Variants in GPHN observed in about 807,000 individuals in gnomAD.
GPHN encodes gephyrin.
A neutral mutation model predicts 95.5 loss-of-function variants in GPHN; 17 were observed. The ratio of observed to expected loss-of-function variants is 0.18; its 90% CI spans 0.12 to 0.27. The LOEUF (loss-of-function observed/expected upper bound fraction) is 0.27. Ranked by LOEUF, GPHN falls within the 10% of genes least tolerant of loss-of-function variation. GPHN has a pLI of 1.00. For synonymous variants in GPHN, 320 were observed against 322.5 expected, an observed-to-expected ratio of 0.99 and a Z score of 0.08; for missense variants, 660 against 978.1, an observed-to-expected ratio of 0.67 and a Z score of 4.34.
chr14:67,632,633 G>A, the GPHN span, among the ~76,000 whole-genome samples: 4 of 152,036 alleles, frequency 2.6e-5, no homozygotes, highest in African/African-American at 4.8e-5. Flanking sequence ...TGCATCTCCA[G>A]GAGATGGCTT....
At chr14:67,727,473 TTTG>T in the GPHN span, 17 of 363,372 alleles carry the variant, frequency 4.7e-5, no homozygotes, top group Non-Finnish European at 7.3e-5. Context: ...ACAGAGGCTT[TTTG>T]TTTTTTTTGT....
intron 1 of GPHN, among the ~76,000 whole-genome samples, chr14:66,580,414 A>C (rs2061106747): frequency 6.6e-6 from 1 of 151,864 alleles, no homozygotes; most frequent in African/African-American, 2.4e-5. Flanking sequence ...AACAAAGCTA[A>C]GAGTTGTTTT....
the GPHN span, among the ~76,000 whole-genome samples, chr14:67,507,999 G>A: frequency 3.9e-5 from 6 of 152,168 alleles, no homozygotes; most frequent in South Asian, 8.3e-4. Flanking sequence ...TTAGCCGGAC[G>A]TGGGGGCGCA....
At chr14:66,519,484 TA>T (rs916524352) in intron 1 of GPHN, among the ~76,000 whole-genome samples, 1 of 152,086 alleles carries the variant, frequency 6.6e-6, no homozygotes, top group Admixed American at 6.5e-5. Flanking sequence ...TTCTAACACT[TA>T]AAAAAAGATA....
intron 16 of GPHN, among the ~76,000 whole-genome samples, chr14:67,118,097 T>C (rs2078795636): frequency 2.0e-5 from 3 of 152,168 alleles, no homozygotes; most frequent in African/African-American, 4.8e-5. Flanking sequence ...TCCTCTACCC[T>C]TGTGAGTTCT....
chr14:67,361,942 G>A, the GPHN span, among the ~76,000 whole-genome samples: 2 of 149,690 alleles, frequency 1.3e-5, no homozygotes, highest in African/African-American at 4.9e-5. Flanking sequence ...ATAGTACTTT[G>A]TATTGTAATT....
chr14:67,574,306 T>TCCGA, the GPHN span: 3 of 1,606,812 alleles, frequency 1.9e-6, no homozygotes, highest in Non-Finnish European at 2.5e-6. This position sits in a 1 kb window ranked among gnomAD's most constrained non-coding sequence, Gnocchi z 4.2. Flanking sequence ...GAGGAGTGGA[T>TCCGA]CCGAGTACTC....
intron 11 of GPHN, among the ~76,000 whole-genome samples, chr14:67,078,954 C>A (rs2076593228): frequency 6.6e-6 from 1 of 151,992 alleles, no homozygotes. Flanking sequence ...GACAAGTTGA[C>A]TTTATACCAA....
In GPHN at chr14:66,910,612, T is replaced by C. The variant is rs1039274884; in HGVS notation, c.390-5391T>C. Among the ~76,000 whole-genome samples, 6 of 152,102 alleles carry C rather than the reference T, an allele frequency of 3.9e-5. No homozygotes were observed. In the South Asian group the frequency reaches 1.2e-3, roughly 32 times the overall value. The stretch of plus-strand genomic sequence containing the variant: ...GCCACAGTAAGAAATGTACTTAACA[T>C]TGTAATTCAGTACACACACACATAT... On this transcript the variant is annotated intron_variant, in intron 5 of 22. Transcript: ENST00000478722.
intron 1 of GPHN, among the ~76,000 whole-genome samples, chr14:66,680,109 C>T (rs922781040): frequency 2.6e-5 from 4 of 152,130 alleles, no homozygotes; most frequent in African/African-American, 7.2e-5. Flanking sequence ...TGGCAGCTTT[C>T]GATACACTTA....
At chr14:67,494,153 T>C in the GPHN span, among the ~76,000 whole-genome samples, 56 of 152,268 alleles carry the variant, frequency 3.7e-4, no homozygotes, top group African/African-American at 1.2e-3. Flanking sequence ...CACCCAGTCT[T>C]GCTAATGCTT....
chr14:66,574,814 T>C (rs1258234761), intron 1 of GPHN, among the ~76,000 whole-genome samples: 1 of 152,178 alleles, frequency 6.6e-6, no homozygotes, highest in African/African-American at 2.4e-5. Flanking sequence ...CTGTCCCAGA[T>C]CTGGGATATA....
the GPHN span, among the ~76,000 whole-genome samples, chr14:67,514,402 A>G: frequency 2.0e-5 from 3 of 152,156 alleles, no homozygotes; most frequent in Non-Finnish European, 4.4e-5. Flanking sequence ...CCAGCCAGGC[A>G]TCTCTCACGG....
chr14:66,690,990 G>A (rs775420410), intron 2 of GPHN, among the ~76,000 whole-genome samples: 8 of 152,048 alleles, frequency 5.3e-5, no homozygotes, highest in Non-Finnish European at 8.8e-5. Flanking sequence ...ACTCACTTAC[G>A]TATTTCAGTG....
chr14:67,369,430 G>C, the GPHN span, among the ~76,000 whole-genome samples: 1 of 152,194 alleles, frequency 6.6e-6, no homozygotes, highest in Non-Finnish European at 1.5e-5. Flanking sequence ...GTTTGAACAA[G>C]CTCTGAACAA....
At chr14:67,392,372 A>C in the GPHN span, 4 of 1,613,628 alleles carry the variant, frequency 2.5e-6, no homozygotes, top group African/African-American at 4.0e-5. Context: ...ACTTAACTCC[A>C]CAGTGCTCAG....
At chr14:66,713,791 C>T (rs891099303) in intron 2 of GPHN, among the ~76,000 whole-genome samples, 4 of 151,520 alleles carry the variant, frequency 2.6e-5, no homozygotes, top group Middle Eastern at 3.2e-3. Flanking sequence ...GTTTTTGAGA[C>T]GGAGTCTCTC....
chr14:66,932,326 C>T (rs2066845676), intron 8 of GPHN, among the ~76,000 whole-genome samples: 1 of 151,982 alleles, frequency 6.6e-6, no homozygotes, highest in Non-Finnish European at 1.5e-5. Flanking sequence ...ACTCCTAAAA[C>T]CAGCCCAGTA....
chr14:67,661,813 C>T, the GPHN span, among the ~76,000 whole-genome samples: 2 of 152,072 alleles, frequency 1.3e-5, no homozygotes, highest in Admixed American at 6.5e-5. Context: ...GGATTGCAAG[C>T]GTGAGCCACC....
Sources: allele counts gnomAD v4.1 joint callset (sites outside exome capture counted in the v4.1 genomes callset), GRCh38; gene constraint gnomAD v4.1.1; non-coding constraint Gnocchi (gnomAD v3.1); transcripts MANE v1.5; gene names NCBI Gene and HGNC (gene_info 2026-07-23, HGNC 2026-07-21).